The following GRIN2D variants were observed in gnomAD, a reference collection of about 807,000 sequenced individuals.
The protein encoded by GRIN2D is glutamate ionotropic receptor NMDA type subunit 2D, also known as glutamate receptor ionotropic, NMDA 2D.
GRIN2D carries 37 observed loss-of-function variants against 103.2 expected under a neutral mutation model. The observed-to-expected ratio is 0.36, with a 90% confidence interval of 0.28 to 0.47. GRIN2D has a LOEUF of 0.47. Among genes scored for constraint, GRIN2D ranks in the 20% least tolerant of loss-of-function variants. GRIN2D has a pLI of 1.00. For synonymous variants in GRIN2D, 845 were observed against 885.6 expected (o/e 0.95, Z 0.81); for missense variants, 1,557 against 1,910.6 (o/e 0.81, Z 3.45).
chr19:48,405,294 T>G lies in GRIN2D; in HGVS notation c.1026T>G (p.Pro342=), dbSNP rs1970776965. 6.2e-7 allele frequency: 1 copy of G among 1,601,624 alleles called. No individual in the cohort carries two copies. The highest frequency in any genetic ancestry group is 1.3e-5 in the African/African-American group (1 of 74,832). Residue 342 remains proline (P), a synonymous_variant, in exon 4 of 14, where the codon CCT becomes CCG. Transcript: ENST00000263269. The surrounding 1 kb of genome is among the most constrained non-coding windows in gnomAD (Gnocchi z 5.1). ...QALLRDYGFL[P]ELGHDCRAQN... ...TGCTGCGTGATTATGGTTTCCTTCC[T>G]GAGCTCGGCCACGACTGTCGCGCCC...
At position 48,393,677 on chromosome 19, in the gene GRIN2D, G is replaced by A. The variant is rs1569055021; in HGVS notation, c.-497G>A. 6.7e-6 allele frequency among the ~76,000 whole-genome samples: 1 copy of A among 149,790 alleles called. No individual in the cohort carries two copies. Among genetic ancestry groups the A allele is most frequent in the Non-Finnish European group, 1.5e-5 (1 of 67,974 alleles). ...ACTGAATGTTAATCGCATCCCGAGT[G>A]AGTGTGTGTGTGCGAGAACACAGCG... On this transcript the variant is annotated 5_prime_UTR_variant, in exon 1 of 14. Transcript: ENST00000263269. The surrounding 1 kb of genome is among the most constrained non-coding windows in gnomAD (Gnocchi z 5.6).
intron 11 of GRIN2D, among the ~76,000 whole-genome samples, chr19:48,440,103 T>G (rs916762533): frequency 2.0e-5 from 3 of 151,882 alleles, no homozygotes; most frequent in African/African-American, 7.3e-5. Context: ...CCCAGCTACT[T>G]GGGTGGCTGA....
chr19:48,398,909 T>TG, intron 3 of GRIN2D, 52 bp downstream of exon 3: 2 of 963,166 alleles, frequency 2.1e-6, no homozygotes, highest in Non-Finnish European at 2.4e-6. Flanking sequence ...GGACAGCCGC[T>TG]GAGGGGCGGG....
intron 11 of GRIN2D, 116 bp from the exon 12 acceptor site, chr19:48,441,653 G>A (rs944499061): frequency 1.3e-6 from 1 of 756,178 alleles, no homozygotes; most frequent in Non-Finnish European, 2.1e-6. Context: ...TTGCTCAAGA[G>A]CTCAGGGCCA....
intron 12 of GRIN2D, 34 bp downstream of exon 12, chr19:48,441,990 A>AG: frequency 6.3e-7 from 1 of 1,577,932 alleles, no homozygotes; most frequent in Non-Finnish European, 8.6e-7. Context: ...CACAGCGGAG[A>AG]GGGGGAGGGC....
chr19:48,417,285 C>T (rs1361935830), intron 8 of GRIN2D, among the ~76,000 whole-genome samples: 2 of 152,054 alleles, frequency 1.3e-5, no homozygotes, highest in African/African-American at 2.4e-5. Context: ...AAGCAAGTGG[C>T]TGGTGGGGAT....
intron 2 of GRIN2D, among the ~76,000 whole-genome samples, chr19:48,395,161 GCCC>G (rs1452037165): frequency 1.3e-5 from 2 of 150,618 alleles, no homozygotes; most frequent in African/African-American, 2.5e-5. Flanking sequence ...GACCTTTCAC[GCCC>G]CCATTTCTCT....
At chr19:48,398,298 TCTCCCTGTCCCTGCGTCTCCCGTCTGTGC>T in intron 2 of GRIN2D, 40 bp from the exon 3 acceptor site, 1 of 557,340 alleles carries the variant, frequency 1.8e-6, no homozygotes, top group Non-Finnish European at 2.3e-6. Flanking sequence ...CTTTATCTCG[TCTCCCTGTCCCTGCGTCTCCCGTCTGTGC>T]CTCCCTCTCC....
At chr19:48,406,096 A>G (rs1043990244) in intron 4 of GRIN2D, among the ~76,000 whole-genome samples, 2 of 152,186 alleles carry the variant, frequency 1.3e-5, no homozygotes, top group African/African-American at 4.8e-5. Flanking sequence ...TTGGACGTCT[A>G]TTGGAATTAG....
chr19:48,408,076 T>G (rs573336114), intron 4 of GRIN2D, among the ~76,000 whole-genome samples: 1 of 152,286 alleles, frequency 6.6e-6, no homozygotes, highest in South Asian at 2.1e-4. Flanking sequence ...GGCTCACACC[T>G]GTAATCCCAG....
intron 3 of GRIN2D, among the ~76,000 whole-genome samples, chr19:48,404,470 G>A (rs1970757253): frequency 6.6e-6 from 1 of 152,126 alleles, no homozygotes; most frequent in Admixed American, 6.5e-5. Context: ...ACCGGCCTGG[G>A]CGACAGAGCA....
intron 11 of GRIN2D, among the ~76,000 whole-genome samples, chr19:48,439,507 A>G (rs572131050): frequency 3.9e-5 from 6 of 152,288 alleles, no homozygotes; most frequent in Admixed American, 1.3e-4. Flanking sequence ...AGATTAATCA[A>G]ACAACCACAG....
rs771026032 is a variant in GRIN2D, at chr19:48,443,080, G to A, written c.3154G>A (p.Asp1052Asn). The A allele has an allele frequency of 2.0e-3, 2,107 of 1,033,196 alleles. 5 individuals are homozygous for A. The highest frequency in any genetic ancestry group is 2.3e-3 in the Non-Finnish European group (1,992 of 858,594). The allele number at this position is 1,033,196 out of a possible 1,614,324, so 64.0% of individuals were successfully genotyped here. The change falls in exon 14 of 14, where the codon GAC (aspartate) becomes AAC (asparagine). Residue 1052 changes from aspartate (D) to asparagine (N), a missense_variant. Asp to Asn is a conservative substitution (Grantham distance 23, BLOSUM62 1). This residue lies in a region of GRIN2D where 632 missense variants were observed against 572.8 expected (regional missense o/e 1.10). Coordinates refer to ENST00000263269, the MANE Select transcript of GRIN2D (RefSeq NM_000836.4). This position sits in a 1 kb window ranked among gnomAD's most constrained non-coding sequence, Gnocchi z 8.9. Reference sequence around the variant, plus strand: ...GCCACTCTGCCGCTTGGCCTTCGAGGACGAGAGCCCGCCGGCGCCCGCGCG... The same window carrying A: ...GCCACTCTGCCGCTTGGCCTTCGAGAACGAGAGCCCGCCGGCGCCCGCGCG... The part of the protein sequence containing the change: ...GPPLCRLAFE[D>N]ESPPAPARWP...
rs1971016504 is a variant in GRIN2D, at chr19:48,421,054, G to A, written c.2092-731G>A. On this transcript the variant is annotated intron_variant, in intron 10 of 13. Coordinates refer to ENST00000263269, the MANE Select transcript of GRIN2D (RefSeq NM_000836.4). This position sits in a 1 kb window ranked among gnomAD's most constrained non-coding sequence, Gnocchi z 4.8. ...GAGGCTTGAGAAATCAGTTTGATGG[G>A]TTGCAATAAGCATTTTTTAATGGAA... Among the ~76,000 whole-genome samples, 1 of 152,190 alleles carries A rather than the reference G, an allele frequency of 6.6e-6. No individual in the cohort carries two copies. The highest frequency in any genetic ancestry group is 2.1e-4 in the South Asian group (1 of 4,836).
chr19:48,440,220 A>AT (rs1211658846), intron 11 of GRIN2D, among the ~76,000 whole-genome samples: 4 of 152,070 alleles, frequency 2.6e-5, no homozygotes, highest in East Asian at 1.9e-4. Context: ...TCAAGAAAAA[A>AT]AAAATAAATA....
rs147076523 is a variant in GRIN2D at position 48,431,477 on chromosome 19, G to A, written c.2252+9532G>A. 9.7e-3 allele frequency among the ~76,000 whole-genome samples: 1,480 copies of A among 152,154 alleles called. 16 individuals carry two copies. Among genetic ancestry groups the A allele is most frequent in the African/African-American group, 0.033 (1,387 of 41,498 alleles). On this transcript the variant is annotated intron_variant, in intron 11 of 13. Transcript: ENST00000263269. Reference sequence around the variant, plus strand: ...TTCTAATATCCAGTGCTACTGTAGAGAAATCCAAGATCATTCTGATTCCTA... The same window carrying A: ...TTCTAATATCCAGTGCTACTGTAGAAAAATCCAAGATCATTCTGATTCCTA...
intron 8 of GRIN2D, among the ~76,000 whole-genome samples, chr19:48,416,782 C>T (rs995626922): frequency 1.7e-4 from 25 of 150,856 alleles, no homozygotes; most frequent in Non-Finnish European, 2.8e-4. Flanking sequence ...ACTCTGTCGC[C>T]CAGGCTGGAA....
At chr19:48,401,149 C>T (rs950443255) in intron 3 of GRIN2D, among the ~76,000 whole-genome samples, 1 of 151,468 alleles carries the variant, frequency 6.6e-6, no homozygotes, top group African/African-American at 2.4e-5. Context: ...ATCCCCTGTG[C>T]GCCTAGGGAG....
At chr19:48,415,060 T>A in intron 7 of GRIN2D, 28 bp downstream of exon 7, 1 of 1,551,124 alleles carries the variant, frequency 6.4e-7, no homozygotes, top group Non-Finnish European at 8.7e-7. Flanking sequence ...AGGCGGGGAA[T>A]CTTCGGGGCG....
Sources: allele counts gnomAD v4.1 joint callset (sites outside exome capture counted in the v4.1 genomes callset), GRCh38; gene constraint gnomAD v4.1.1; regional missense constraint gnomAD v4.1.1; non-coding constraint Gnocchi (gnomAD v3.1); transcripts MANE v1.5; gene names NCBI Gene and HGNC (gene_info 2026-07-23, HGNC 2026-07-21).